Variants in ANKRD44 observed in about 807,000 individuals in gnomAD.
ANKRD44 encodes serine/threonine-protein phosphatase 6 regulatory ankyrin repeat subunit B.
A neutral mutation model predicts 116.0 loss-of-function variants in ANKRD44; 35 were observed. That is an observed-to-expected ratio of 0.30 (90% CI 0.23 to 0.40). The LOEUF is 0.40. Ranked by LOEUF, ANKRD44 falls within the 10% of genes least tolerant of loss-of-function variation. ANKRD44 has a pLI of 1.00. For synonymous variants in ANKRD44, 435 were observed against 461.8 expected, an observed-to-expected ratio of 0.94 and a Z score of 0.74; for missense variants, 1,014 against 1,242.6, an observed-to-expected ratio of 0.82 and a Z score of 2.77.
chr2:197,309,094 C>A (rs554394345), intron 1 of ANKRD44, among the ~76,000 whole-genome samples: 2 of 152,292 alleles, frequency 1.3e-5, no homozygotes, highest in South Asian at 4.1e-4. Context: ...CTATTAGAAC[C>A]ATTCTTTGTA....
intron 8 of ANKRD44, among the ~76,000 whole-genome samples, chr2:197,114,741 T>C (rs531630206): frequency 6.6e-6 from 1 of 152,314 alleles, no homozygotes; most frequent in Admixed American, 6.5e-5. Flanking sequence ...AAAAGCTCTA[T>C]GGGATAACAT....
At chr2:197,235,606 ACT>A (rs2081960259) in intron 1 of ANKRD44, among the ~76,000 whole-genome samples, 1 of 138,646 alleles carries the variant, frequency 7.2e-6, no homozygotes, top group Non-Finnish European at 1.5e-5. Context: ...ATAGAGTGAG[ACT>A]CTGTCTAAAA....
chr2:197,297,202 C>T (rs375872665), intron 1 of ANKRD44, among the ~76,000 whole-genome samples: 22 of 151,998 alleles, frequency 1.4e-4, no homozygotes, highest in African/African-American at 4.8e-4. Flanking sequence ...TTGATAAAAC[C>T]AAAATGAAAG....
At chr2:197,287,026 C>A (rs1559220919) in intron 1 of ANKRD44, among the ~76,000 whole-genome samples, 1 of 152,036 alleles carries the variant, frequency 6.6e-6, no homozygotes, top group Non-Finnish European at 1.5e-5. Flanking sequence ...GGATACATGT[C>A]ATTATACATT....
intron 2 of ANKRD44, among the ~76,000 whole-genome samples, chr2:197,185,871 G>C (rs987446173): frequency 3.9e-5 from 6 of 152,076 alleles, no homozygotes; most frequent in Non-Finnish European, 7.4e-5. Context: ...TTAGGGCAAG[G>C]GTCAGCAAAC....
intron 2 of ANKRD44, among the ~76,000 whole-genome samples, chr2:197,181,247 G>C (rs1340593138): frequency 6.6e-6 from 1 of 152,106 alleles, no homozygotes; most frequent in Non-Finnish European, 1.5e-5. Flanking sequence ...AAAGTAGATG[G>C]ATTAAAATGA....
intron 1 of ANKRD44, among the ~76,000 whole-genome samples, chr2:197,280,613 G>C (rs1238364408): frequency 6.6e-6 from 1 of 152,216 alleles, no homozygotes; most frequent in Non-Finnish European, 1.5e-5. Context: ...AGCAACCGCT[G>C]TACAATAGCC....
rs560770318 is a variant in ANKRD44 at position 197,121,470 on chromosome 2, G to A, written c.768C>T (p.Asn256=). 20 of 1,614,194 alleles carry A rather than the reference G, an allele frequency of 1.2e-5. No homozygotes were observed. The Admixed American group carries it at 1.3e-4, about 11-fold the overall frequency. Residue 256 remains asparagine, a synonymous_variant, in exon 8 of 28, where the codon AAC becomes AAT. Coordinates refer to ENST00000282272, the MANE Select transcript of ANKRD44 (RefSeq NM_001195144.2). ...ACYNGQDAVV[N]ELIDYGANVN... The stretch of plus-strand genomic sequence containing the variant: ...CGTTAGCACCGTAGTCAATCAACTC[G>A]TTAACCACAGCATCCTGTCCATTGT...
intron 3 of ANKRD44, among the ~76,000 whole-genome samples, chr2:197,142,745 A>T (rs533731419): frequency 6.6e-6 from 1 of 152,348 alleles, no homozygotes; most frequent in African/African-American, 2.4e-5. Flanking sequence ...AATCAAAAGA[A>T]TGATGTGCCC....
intron 1 of ANKRD44, among the ~76,000 whole-genome samples, chr2:197,258,225 C>G (rs2082503197): frequency 6.7e-6 from 1 of 149,856 alleles, no homozygotes; most frequent in Non-Finnish European, 1.5e-5. Flanking sequence ...CTCAGCCTCC[C>G]AAGTAGCTGT....
chr2:197,302,328 A>C (rs920578895), intron 1 of ANKRD44: 3 of 152,266 alleles, frequency 2.0e-5, no homozygotes, highest in African/African-American at 7.2e-5. Context: ...GGCCAAGGTC[A>C]GACGGAAGGA....
chr2:197,008,453 C>T (rs2076239257), intron 19 of ANKRD44, among the ~76,000 whole-genome samples: 1 of 152,160 alleles, frequency 6.6e-6, no homozygotes, highest in African/African-American at 2.4e-5. Context: ...CTAGTCACTG[C>T]TGACTTTTGC....
At position 197,000,516 on chromosome 2, in the gene ANKRD44, G is replaced by A; in HGVS notation, c.2436-14C>T. On this transcript the variant is annotated splice_polypyrimidine_tract_variant and intron_variant, in intron 22 of 27. Transcript: ENST00000282272. Reference sequence around the variant, plus strand: ...TGATCATTGATTCTAAAATGAAAATGGGTTTTAATGTAACAATCTCACTCT... The same window carrying A: ...TGATCATTGATTCTAAAATGAAAATAGGTTTTAATGTAACAATCTCACTCT... The A allele has an allele frequency of 6.2e-7, 1 of 1,603,752 alleles. No homozygotes were observed. Among genetic ancestry groups the A allele is most frequent in the Non-Finnish European group, 8.5e-7 (1 of 1,170,722 alleles).
intron 21 of ANKRD44, among the ~76,000 whole-genome samples, chr2:196,977,418 T>C (rs905395199): frequency 1.1e-4 from 16 of 152,138 alleles, no homozygotes; most frequent in African/African-American, 3.9e-4. Flanking sequence ...AAACGACCCA[T>C]GGAATGGGAG....
intron 1 of ANKRD44, among the ~76,000 whole-genome samples, chr2:197,217,852 C>T (rs1020814020): frequency 6.6e-6 from 1 of 152,110 alleles, no homozygotes; most frequent in Non-Finnish European, 1.5e-5. Context: ...TGGTTCAGCA[C>T]AGAATACACA....
At chr2:197,204,581 T>C (rs558477558) in intron 1 of ANKRD44, among the ~76,000 whole-genome samples, 2 of 152,106 alleles carry the variant, frequency 1.3e-5, no homozygotes, top group Non-Finnish European at 2.9e-5. Flanking sequence ...AAAGATAAAA[T>C]TGTGGCTCCA....
chr2:197,207,647 G>C (rs918944305), intron 1 of ANKRD44, among the ~76,000 whole-genome samples: 3 of 152,038 alleles, frequency 2.0e-5, no homozygotes, highest in East Asian at 3.9e-4. Flanking sequence ...CCTTTGCCAT[G>C]GTGCTCTTTC....
intron 1 of ANKRD44, among the ~76,000 whole-genome samples, chr2:197,234,900 C>T (rs1033097931): frequency 1.3e-5 from 2 of 152,088 alleles, no homozygotes; most frequent in African/African-American, 2.4e-5. Context: ...GAAAACAGGG[C>T]GAACTCAATG....
intron 9 of ANKRD44, among the ~76,000 whole-genome samples, chr2:197,100,225 AG>A (rs1294621362): frequency 3.3e-5 from 5 of 152,156 alleles, no homozygotes; most frequent in African/African-American, 1.2e-4. Flanking sequence ...TCACGAGGTC[AG>A]GAGTTTCAGA....
Sources: gnomAD v4.1 joint callset for allele counts (sites outside exome capture counted in the v4.1 genomes callset) on GRCh38, gnomAD v4.1.1 for gene constraint, MANE v1.5 for transcripts, NCBI Gene and HGNC (gene_info 2026-07-23, HGNC 2026-07-21) for gene names.